NHS: variants seen among roughly 807,000 people sequenced by gnomAD.
The protein encoded by NHS is NHS actin remodeling regulator.
In NHS, 5 loss-of-function variants were observed where a neutral mutation model predicts 72.5. The ratio of observed to expected loss-of-function variants is 0.07; its 90% confidence interval spans 0.04 to 0.14. The LOEUF (loss-of-function observed/expected upper bound fraction) is 0.14, where lower values mean the gene tolerates loss of function less well. NHS is among the 10% of genes least tolerant of loss of function. The pLI, the probability that NHS is intolerant of heterozygous loss-of-function variation, is 1.00. For missense variants in NHS, 1,072 were observed against 1,355.7 expected (o/e 0.79, Z 3.29); for synonymous variants, 464 against 547.7 (o/e 0.85, Z 2.13).
rs150146584 is a variant in NHS at position 17,484,997 on chromosome X, G to A, written c.565+108675G>A. ...AGTGATTTCCCAATAAGTGGTGTGA[G>A]AGGCTCCCCTCTTCATTTAGCTCCA... is the stretch of plus-strand genomic sequence containing the variant. On this transcript the variant is annotated intron_variant, in intron 1 of 8. Transcript: ENST00000676302. Among the ~76,000 whole-genome samples, 393 of 111,969 alleles carry A rather than the reference G, an allele frequency of 3.5e-3. 2 individuals carry two copies. Among genetic ancestry groups the A allele is most frequent in the African/African-American group, 0.012 (374 of 30,784 alleles).
intron 1 of NHS, among the ~76,000 whole-genome samples, chrX:17,609,930 G>A (rs944773581): frequency 2.7e-5 from 3 of 111,517 alleles, no homozygotes; most frequent in Admixed American, 9.5e-5. Context: ...ACTAAGATGC[G>A]GCAGCCTTGG....
intron 1 of NHS, among the ~76,000 whole-genome samples, chrX:17,559,339 C>A (rs1247130338): frequency 8.9e-6 from 1 of 111,885 alleles, no homozygotes; most frequent in African/African-American, 3.3e-5. Flanking sequence ...GCCTTTGCAT[C>A]CAAGAAAGAT....
intron 1 of NHS, among the ~76,000 whole-genome samples, chrX:17,539,536 G>C (rs1601756428): frequency 9.1e-6 from 1 of 110,058 alleles, no homozygotes; most frequent in African/African-American, 3.3e-5. Flanking sequence ...TGAATGATCA[G>C]TGGCAATTAG....
At chrX:17,586,759 A>G (rs753352147) in intron 1 of NHS, 12 of 112,176 alleles carry the variant, frequency 1.1e-4, no homozygotes, top group African/African-American at 3.9e-4. Flanking sequence ...TGCTGGCTGA[A>G]GCACCATGGG....
chrX:17,537,849 G>A (rs997301367), intron 1 of NHS, among the ~76,000 whole-genome samples: 2 of 111,922 alleles, frequency 1.8e-5, no homozygotes, highest in African/African-American at 3.3e-5. Context: ...GACAATGCCC[G>A]ACTGGAGGCT....
intron 2 of NHS, 71 bp from the exon 3 acceptor site, chrX:17,692,264 A>T (rs770440760): frequency 1.1e-4 from 129 of 1,172,990 alleles, no homozygotes; most frequent in Non-Finnish European, 1.0e-4. Context: ...TTTTGCTAAC[A>T]CTCCCAAGGG....
At chrX:17,561,566 GCGCGCGCGCA>G (rs1356926095) in intron 1 of NHS, among the ~76,000 whole-genome samples, 138 of 69,110 alleles carry the variant, frequency 2.0e-3, no homozygotes, top group African/African-American at 8.9e-3. Context: ...ATGCGCGCGC[GCGCGCGCGCA>G]CACACACACA....
chrX:17,398,174 G>A (rs1170100051), intron 1 of NHS, among the ~76,000 whole-genome samples: 1 of 111,808 alleles, frequency 8.9e-6, no homozygotes, highest in Non-Finnish European at 1.9e-5. Context: ...GGGAGTAGGA[G>A]AGAGGAATGA....
chrX:17,428,661 A>G (rs975237467), intron 1 of NHS, among the ~76,000 whole-genome samples: 5 of 111,658 alleles, frequency 4.5e-5, no homozygotes, highest in Admixed American at 9.4e-5. Flanking sequence ...AAATATGGAA[A>G]CTGAATCTCT....
At chrX:17,600,805 G>A (rs970744174) in intron 1 of NHS, among the ~76,000 whole-genome samples, 7 of 110,200 alleles carry the variant, frequency 6.4e-5, no homozygotes, top group African/African-American at 2.3e-4. Flanking sequence ...GTGGGGGAGC[G>A]AGAAGGAAGG....
At chrX:17,389,235 A>G (rs2064427393) in intron 1 of NHS, among the ~76,000 whole-genome samples, 1 of 112,188 alleles carries the variant, frequency 8.9e-6, no homozygotes, top group Admixed American at 9.4e-5. Flanking sequence ...GATAGAGAAC[A>G]TTCTCCTCAC....
intron 1 of NHS, among the ~76,000 whole-genome samples, chrX:17,455,243 G>A (rs759101913): frequency 9.0e-6 from 1 of 111,677 alleles, no homozygotes; most frequent in Non-Finnish European, 1.9e-5. Flanking sequence ...AAATGTTGGT[G>A]TTGGAAGAAG....
intron 1 of NHS, among the ~76,000 whole-genome samples, chrX:17,496,123 C>G (rs773504267): frequency 3.4e-4 from 38 of 111,395 alleles, no homozygotes; most frequent in African/African-American, 1.1e-3. Context: ...TTGGCTGAGC[C>G]CAGCCAAGCC....
intron 1 of NHS, among the ~76,000 whole-genome samples, chrX:17,453,136 C>T (rs1448898672): frequency 9.1e-6 from 1 of 110,432 alleles, no homozygotes; most frequent in African/African-American, 3.3e-5. Context: ...TAGAAATTTC[C>T]CTCCCCCCAC....
intron 1 of NHS, among the ~76,000 whole-genome samples, chrX:17,479,531 A>G (rs2064936787): frequency 8.9e-6 from 1 of 111,840 alleles, no homozygotes; most frequent in Admixed American, 9.5e-5. Context: ...AAGCATTCCA[A>G]TTTCTCCACA....
intron 1 of NHS, among the ~76,000 whole-genome samples, chrX:17,425,568 A>AAAAAAAAAAAAG (rs2064651928): frequency 3.9e-5 from 3 of 77,057 alleles, no homozygotes; most frequent in African/African-American, 1.3e-4. Context: ...AAAAAAAAAA[A>AAAAAAAAAAAAG]AAAGAAAGAA....
intron 1 of NHS, among the ~76,000 whole-genome samples, chrX:17,569,635 G>A (rs1011131822): frequency 8.9e-6 from 1 of 112,032 alleles, no homozygotes; most frequent in African/African-American, 3.3e-5. Context: ...TCACTCTGAT[G>A]ATAGTTTCTT....
intron 1 of NHS, among the ~76,000 whole-genome samples, chrX:17,648,353 C>T (rs1237087565): frequency 2.7e-5 from 3 of 112,077 alleles, no homozygotes; most frequent in Non-Finnish European, 5.6e-5. Context: ...GTAAGCAGGG[C>T]AGGTGCCAAG....
rs2064346850 is a variant in NHS, at chrX:17,376,276, C to T, written c.519C>T (p.Gly173=). 8.6e-7 allele frequency: 1 copy of T among 1,162,097 alleles called. No individual in the cohort carries two copies. The highest frequency in any genetic ancestry group is 2.5e-5 in the Admixed American group (1 of 40,416). ...GGGCGCTGCAGGGCAAGCTCGGCGG[C>T]GTGCAGCGCGTCCTCAGCACGCTTG... ...RVWALQGKLG[G]VQRVLSTLDP... The change falls in exon 1 of 9, where the codon GGC becomes GGT. Residue 173 remains glycine, a synonymous_variant. Transcript: ENST00000676302.
Sources: allele counts gnomAD v4.1 joint callset (sites outside exome capture counted in the v4.1 genomes callset), GRCh38; gene constraint gnomAD v4.1.1; transcripts MANE v1.5; gene names NCBI Gene and HGNC (gene_info 2026-07-23, HGNC 2026-07-21).